Variants in TTC28 observed in about 807,000 individuals in gnomAD.
TTC28 encodes tetratricopeptide repeat domain 28.
Under a neutral mutation model 198.0 loss-of-function variants are expected in TTC28, and 61 were observed. That is an observed-to-expected ratio of 0.31 (90% CI 0.25 to 0.38). TTC28 has a LOEUF of 0.38. Ranked by LOEUF, TTC28 falls within the 10% of genes least tolerant of loss-of-function variation. The pLI is 1.00. For synonymous variants in TTC28, 1,171 were observed against 1,297.8 expected, an observed-to-expected ratio of 0.90 and a Z score of 2.10; for missense variants, 2,678 against 3,164.0, an observed-to-expected ratio of 0.85 and a Z score of 3.69.
rs1942357970 is a variant in TTC28 at position 28,107,758 on chromosome 22, C to T, written c.2087G>A (p.Cys696Tyr). 3 of 1,552,028 alleles carry T rather than the reference C, an allele frequency of 1.9e-6. No individual in the cohort carries two copies. The highest frequency in any genetic ancestry group is 2.6e-6 in the Non-Finnish European group (3 of 1,147,062). Residue 696 changes from cysteine (C) to tyrosine (Y), a missense_variant, in exon 7 of 23, where the codon TGT (cysteine) becomes TAT (tyrosine). This residue lies in a region of TTC28 where 775 missense variants were observed against 845.9 expected (regional missense o/e 0.92). Transcript: ENST00000397906. ...ALLNFSKAEE[C>Y]QKYLLSLAQS... ...GGCTAGGGACAGTAGGTACTTCTGA[C>T]ACTCTTCAGCTTTACTGAAATTCAG...
chr22:28,129,701 G>C (rs960006215), intron 6 of TTC28, among the ~76,000 whole-genome samples: 1 of 152,156 alleles, frequency 6.6e-6, no homozygotes, highest in Non-Finnish European at 1.5e-5. Context: ...CTTCACCTCA[G>C]GGGAAATGAT....
At chr22:28,494,897 T>G (rs982653079) in intron 2 of TTC28, among the ~76,000 whole-genome samples, 1 of 151,598 alleles carries the variant, frequency 6.6e-6, no homozygotes. Context: ...TGAGAAAATA[T>G]TGCATTGATG....
At chr22:28,030,200 G>T (rs1283306236) in intron 13 of TTC28, 26 bp downstream of exon 13, 2 of 1,550,818 alleles carry the variant, frequency 1.3e-6, no homozygotes, top group African/African-American at 2.7e-5. Context: ...CCTGCACTGG[G>T]CCTGGGGAAA....
intron 2 of TTC28, among the ~76,000 whole-genome samples, chr22:28,324,886 C>A (rs749389419): frequency 5.3e-5 from 8 of 152,144 alleles, no homozygotes; most frequent in African/African-American, 1.7e-4. Context: ...GAAGTTCTGG[C>A]CAGGGCAATT....
At chr22:28,262,333 T>A (rs530626525) in intron 5 of TTC28, among the ~76,000 whole-genome samples, 2 of 152,194 alleles carry the variant, frequency 1.3e-5, no homozygotes, top group African/African-American at 4.8e-5. Flanking sequence ...TGTTTATTCA[T>A]CTCAGCTACT....
chr22:28,136,401 C>T (rs1484219568), intron 6 of TTC28, among the ~76,000 whole-genome samples: 1 of 152,188 alleles, frequency 6.6e-6, no homozygotes, highest in East Asian at 1.9e-4. Context: ...CCTGCCTCAG[C>T]CTCCCAAGGT....
At chr22:28,102,955 C>A (rs1340235690) in intron 8 of TTC28, among the ~76,000 whole-genome samples, 1 of 152,204 alleles carries the variant, frequency 6.6e-6, no homozygotes, top group African/African-American at 2.4e-5. Context: ...AAGCTAAACA[C>A]ATTAATTCTT....
chr22:28,193,407 T>C (rs1032758246), intron 5 of TTC28, among the ~76,000 whole-genome samples: 3 of 152,116 alleles, frequency 2.0e-5, no homozygotes, highest in Admixed American at 6.5e-5. Flanking sequence ...GCTAACATCA[T>C]AATGACAGGA....
At chr22:27,990,653 C>G in intron 20 of TTC28, 136 bp downstream of exon 20, 1 of 773,934 alleles carries the variant, frequency 1.3e-6, no homozygotes, top group East Asian at 2.9e-5. Flanking sequence ...AGTGCGCACC[C>G]GCGGGGGCGC....
intron 2 of TTC28, among the ~76,000 whole-genome samples, chr22:28,489,666 G>C (rs1222576503): frequency 6.6e-6 from 1 of 152,096 alleles, no homozygotes; most frequent in African/African-American, 2.4e-5. Context: ...CATGCCTGTA[G>C]TTCCAGCTAC....
At chr22:28,164,760 T>C (rs1471926186) in intron 5 of TTC28, among the ~76,000 whole-genome samples, 1 of 152,062 alleles carries the variant, frequency 6.6e-6, no homozygotes, top group Admixed American at 6.5e-5. Context: ...AGGAACACAG[T>C]TCCTCACCAA....
chr22:28,084,699 G>T (rs1184590113), intron 12 of TTC28, among the ~76,000 whole-genome samples: 2 of 151,334 alleles, frequency 1.3e-5, no homozygotes, highest in Non-Finnish European at 3.0e-5. Context: ...GGCTTCAGAA[G>T]ATCAAACTGC....
chr22:28,111,530 T>TC (rs915131598), intron 6 of TTC28, among the ~76,000 whole-genome samples: 3 of 130,550 alleles, frequency 2.3e-5, no homozygotes, highest in African/African-American at 8.2e-5. Flanking sequence ...CAGAGGAAAT[T>TC]TTTTTTTTTA....
intron 5 of TTC28, among the ~76,000 whole-genome samples, chr22:28,202,841 A>G (rs1281221753): frequency 3.3e-5 from 5 of 152,150 alleles, no homozygotes; most frequent in African/African-American, 9.7e-5. Flanking sequence ...CCCATAACCC[A>G]GCTTTAACAA....
At chr22:28,301,155 A>G (rs922988585) in intron 3 of TTC28, among the ~76,000 whole-genome samples, 2 of 152,228 alleles carry the variant, frequency 1.3e-5, no homozygotes, top group African/African-American at 2.4e-5. Context: ...ACAAGTGGTA[A>G]GATAAGTTTT....
intron 13 of TTC28, chr22:28,028,671 T>C (rs1569091791): frequency 1.4e-5 from 3 of 215,292 alleles, no homozygotes; most frequent in Non-Finnish European, 2.8e-5. Context: ...AGCTGCTGCA[T>C]AGGCACACAG....
At chr22:28,345,394 T>A (rs2045889591) in intron 2 of TTC28, among the ~76,000 whole-genome samples, 1 of 152,180 alleles carries the variant, frequency 6.6e-6, no homozygotes, top group Non-Finnish European at 1.5e-5. Context: ...ATGGGACTAT[T>A]GAATCCTCAA....
intron 1 of TTC28, among the ~76,000 whole-genome samples, chr22:28,645,279 C>A (rs887109465): frequency 6.6e-6 from 1 of 152,072 alleles, no homozygotes; most frequent in Non-Finnish European, 1.5e-5. Flanking sequence ...CCCTGACGAA[C>A]ACAGATGCAA....
At chr22:28,110,563 G>C (rs1942453429) in intron 6 of TTC28, among the ~76,000 whole-genome samples, 1 of 152,052 alleles carries the variant, frequency 6.6e-6, no homozygotes, top group African/African-American at 2.4e-5. Context: ...TATTTTTTAT[G>C]AGTAAAATAT....
Sources: allele counts gnomAD v4.1 joint callset (sites outside exome capture counted in the v4.1 genomes callset), GRCh38; gene constraint gnomAD v4.1.1; regional missense constraint gnomAD v4.1.1; transcripts MANE v1.5; gene names NCBI Gene and HGNC (gene_info 2026-07-23, HGNC 2026-07-21).